The following SPECC1 variants were observed in gnomAD, a reference collection of about 807,000 sequenced individuals.
SPECC1 encodes the protein cytospin-B.
SPECC1 carries 62 observed loss-of-function variants against 104.1 expected under a neutral mutation model. That is an observed-to-expected ratio of 0.60 (90% CI 0.49 to 0.74). The LOEUF is 0.74. Among genes scored for constraint, SPECC1 ranks in the 30% least tolerant of loss-of-function variants. SPECC1 has a pLI of 0.00. For synonymous variants in SPECC1, 513 were observed against 501.6 expected (o/e 1.02, Z -0.30); for missense variants, 1,306 against 1,310.5 (o/e 1.00, Z 0.05).
chr17:20,176,685 C>G (rs1452486155), intron 3 of SPECC1, among the ~76,000 whole-genome samples: 2 of 152,138 alleles, frequency 1.3e-5, no homozygotes, highest in Non-Finnish European at 2.9e-5. Context: ...CTTGTGGCCC[C>G]TTCTTCCCTC....
intron 3 of SPECC1, among the ~76,000 whole-genome samples, chr17:20,190,100 G>GA (rs11390678): frequency 0.25 from 38,067 of 151,814 alleles, 6,023 homozygotes; most frequent in African/African-American, 0.45. Flanking sequence ...TCCAGCTGTG[G>GA]AAAAAACTAC....
chr17:20,152,629 G>A (rs1195839302), intron 3 of SPECC1, among the ~76,000 whole-genome samples: 1 of 152,148 alleles, frequency 6.6e-6, no homozygotes, highest in Non-Finnish European at 1.5e-5. Context: ...GAAAGAGAGA[G>A]AGAGAAAGAT....
chr17:20,215,544 T>C (rs914481223), intron 4 of SPECC1, among the ~76,000 whole-genome samples: 2 of 152,240 alleles, frequency 1.3e-5, no homozygotes, highest in Non-Finnish European at 2.9e-5. Flanking sequence ...TCAGAACTTA[T>C]TATAGTGATC....
At chr17:20,092,507 T>G (rs753360160) in intron 1 of SPECC1, among the ~76,000 whole-genome samples, 2 of 152,160 alleles carry the variant, frequency 1.3e-5, no homozygotes, top group Non-Finnish European at 2.9e-5. Flanking sequence ...TTCCCTCGCT[T>G]CTTTCTCTCT....
chr17:20,072,712 A>C (rs1001136417), intron 1 of SPECC1, among the ~76,000 whole-genome samples: 1 of 152,228 alleles, frequency 6.6e-6, no homozygotes, highest in African/African-American at 2.4e-5. Context: ...CTGCAAACCC[A>C]TGCCACCTGC....
At position 20,314,618 on chromosome 17, in the gene SPECC1, TGAAA is replaced by T. The variant is rs900623009; in HGVS notation, c.*556_*559del. 2.6e-5 allele frequency: 6 copies of T among 232,628 alleles called. No homozygotes were observed. Among genetic ancestry groups the T allele is most frequent in the African/African-American group, 1.3e-4 (6 of 45,130 alleles). 14.4% of individuals were successfully genotyped at this position (232,628 alleles called of 1,614,324 possible). On this transcript the variant is annotated 3_prime_UTR_variant, in exon 15 of 15. Transcript: ENST00000395527. ...GCATACCACTGCACTCCAGCCTGTG[TGAAA>T]GAGCCAGACCCTGTCTCAAAAAAAT... is the stretch of plus-strand genomic sequence containing the variant.
In SPECC1 at chr17:20,257,621, A is replaced by G. The variant is rs2039881560; in HGVS notation, c.2837+14A>G. The stretch of plus-strand genomic sequence containing the variant: ...AAGCAAACTCAGGTATCGTGTTTCA[A>G]ACAATAAGAAATCAGAAAAACATCG... On this transcript the variant is annotated intron_variant, in intron 11 of 14. Coordinates refer to ENST00000395527, the MANE Select transcript of SPECC1 (RefSeq NM_001243439.2). 2 of 1,610,100 alleles carry G rather than the reference A, an allele frequency of 1.2e-6. No homozygotes were observed. Among genetic ancestry groups the G allele is most frequent in the African/African-American group, 1.3e-5 (1 of 74,674 alleles).
At chr17:20,213,026 T>C (rs889510392) in intron 4 of SPECC1, among the ~76,000 whole-genome samples, 2 of 152,238 alleles carry the variant, frequency 1.3e-5, no homozygotes, top group African/African-American at 4.8e-5. Context: ...ATTTAAGTTA[T>C]TAGTCTAATG....
intron 3 of SPECC1, among the ~76,000 whole-genome samples, chr17:20,146,202 T>A (rs1040871940): frequency 2.6e-5 from 4 of 152,210 alleles, no homozygotes; most frequent in African/African-American, 9.6e-5. Flanking sequence ...TCGCCTGTGC[T>A]CCACCCGTTC....
intron 7 of SPECC1, among the ~76,000 whole-genome samples, chr17:20,243,485 A>G (rs1421422724): frequency 6.6e-6 from 1 of 152,198 alleles, no homozygotes; most frequent in African/African-American, 2.4e-5. Flanking sequence ...TAATAAGCCA[A>G]TAGCATTCTT....
At chr17:20,296,916 C>T in intron 12 of SPECC1, 45 bp from the exon 13 acceptor site, 1 of 1,550,422 alleles carries the variant, frequency 6.4e-7, no homozygotes, top group Non-Finnish European at 8.9e-7. Flanking sequence ...TGATACTGCA[C>T]AGTTTGCAAT....
At chr17:20,229,353 C>T (rs1364259505) in intron 5 of SPECC1, among the ~76,000 whole-genome samples, 3 of 152,040 alleles carry the variant, frequency 2.0e-5, no homozygotes, top group South Asian at 2.1e-4. Context: ...TGCGTGAGTT[C>T]GGTGTTATTG....
intron 8 of SPECC1, 124 bp downstream of exon 8, chr17:20,246,195 GTCC>G (rs2039416030): frequency 2.6e-6 from 3 of 1,132,358 alleles, no homozygotes; most frequent in South Asian, 3.0e-5. Flanking sequence ...CGCTTTCCAG[GTCC>G]TACCACGTGC....
intron 1 of SPECC1, among the ~76,000 whole-genome samples, chr17:20,051,837 G>T (rs2045786919): frequency 6.6e-6 from 1 of 152,146 alleles, no homozygotes; most frequent in South Asian, 2.1e-4. Context: ...CCTTTTATTA[G>T]AAAGGCAGCA....
intron 11 of SPECC1, among the ~76,000 whole-genome samples, chr17:20,258,664 G>T (rs2039919291): frequency 6.6e-6 from 1 of 152,208 alleles, no homozygotes; most frequent in Non-Finnish European, 1.5e-5. Context: ...CTTTGTAATA[G>T]AACATGACCA....
At chr17:20,199,383 G>GTTT (rs3077216) in intron 3 of SPECC1, among the ~76,000 whole-genome samples, 5 of 62,432 alleles carry the variant, frequency 8.0e-5, no homozygotes, top group Non-Finnish European at 1.1e-4. Context: ...CACCGTGCTG[G>GTTT]TTTTTTTTTT....
intron 3 of SPECC1, among the ~76,000 whole-genome samples, chr17:20,184,647 G>A (rs1293744424): frequency 6.6e-6 from 1 of 152,258 alleles, no homozygotes; most frequent in East Asian, 1.9e-4. Flanking sequence ...GTAGAAACAG[G>A]ACCTACTGTA....
At chr17:20,280,299 C>G (rs2040722609) in intron 12 of SPECC1, among the ~76,000 whole-genome samples, 3 of 152,218 alleles carry the variant, frequency 2.0e-5, no homozygotes, top group Non-Finnish European at 4.4e-5. Flanking sequence ...TGACCACAAT[C>G]TCATGAGTTA....
chr17:20,097,630 G>T (rs551417687), intron 2 of SPECC1, among the ~76,000 whole-genome samples: 1 of 152,274 alleles, frequency 6.6e-6, no homozygotes, highest in South Asian at 2.1e-4. Flanking sequence ...AGACACTCTT[G>T]GTGAAGTTCT....
Sources: allele counts gnomAD v4.1 joint callset (sites outside exome capture counted in the v4.1 genomes callset), GRCh38; gene constraint gnomAD v4.1.1; transcripts MANE v1.5; gene names NCBI Gene and HGNC (gene_info 2026-07-23, HGNC 2026-07-21).